RIMS1: variants seen among roughly 807,000 people sequenced by gnomAD.
The protein encoded by RIMS1 is regulating synaptic membrane exocytosis protein 1.
Under a neutral mutation model 214.1 loss-of-function variants are expected in RIMS1, and 83 were observed. That is an observed-to-expected ratio of 0.39 (90% CI 0.32 to 0.47). RIMS1 has a LOEUF of 0.47. Among genes scored for constraint, RIMS1 ranks in the 20% least tolerant of loss-of-function variants. The pLI is 0.99. For synonymous variants in RIMS1, 793 were observed against 786.8 expected (o/e 1.01, Z -0.13); for missense variants, 2,050 against 2,161.8 (o/e 0.95, Z 1.03).
chr6:72,394,174 T>C (rs986723562), intron 31 of RIMS1, among the ~76,000 whole-genome samples: 1 of 152,180 alleles, frequency 6.6e-6, no homozygotes, highest in African/African-American at 2.4e-5. Context: ...CATGTCAGAC[T>C]TCATGAGATA....
intron 2 of RIMS1, among the ~76,000 whole-genome samples, chr6:72,042,004 A>G (rs1821581266): frequency 1.3e-5 from 2 of 151,934 alleles, no homozygotes; most frequent in South Asian, 4.1e-4. Flanking sequence ...CCATGATAGG[A>G]AAATTTTATT....
chr6:72,121,052 G>A (rs1238223610), intron 4 of RIMS1, among the ~76,000 whole-genome samples: 2 of 151,862 alleles, frequency 1.3e-5, no homozygotes, highest in East Asian at 3.9e-4. Context: ...TTTGGTTACT[G>A]TAGCCTTGTA....
chr6:72,307,170 C>A, intron 26 of RIMS1, 88 bp from the exon 27 acceptor site: 1 of 790,742 alleles, frequency 1.3e-6, no homozygotes, highest in Non-Finnish European at 2.1e-6. Context: ...TAATTGAAGT[C>A]ATTTCAAAAG....
intron 10 of RIMS1, among the ~76,000 whole-genome samples, chr6:72,244,049 C>A (rs1322879746): frequency 6.7e-6 from 1 of 150,356 alleles, no homozygotes; most frequent in Non-Finnish European, 1.5e-5. Context: ...TTAATGTAGT[C>A]CTGTTTAACA....
intron 29 of RIMS1, among the ~76,000 whole-genome samples, chr6:72,352,630 T>A (rs760676694): frequency 3.9e-5 from 6 of 152,220 alleles, no homozygotes; most frequent in Non-Finnish European, 8.8e-5. Flanking sequence ...AACTCTCCTC[T>A]GTGCAGTGGT....
At chr6:72,070,345 T>A (rs1586238648) in intron 2 of RIMS1, among the ~76,000 whole-genome samples, 1 of 152,324 alleles carries the variant, frequency 6.6e-6, no homozygotes, top group East Asian at 1.9e-4. Flanking sequence ...GATGAACTCA[T>A]ATTGATTTCT....
At chr6:72,104,412 C>T (rs553958351) in intron 4 of RIMS1, among the ~76,000 whole-genome samples, 41 of 152,318 alleles carry the variant, frequency 2.7e-4, no homozygotes, top group Non-Finnish European at 4.4e-4. Flanking sequence ...ATCTGCCACC[C>T]AACTTTCAAT....
intron 4 of RIMS1, among the ~76,000 whole-genome samples, chr6:72,139,102 G>A (rs1178985032): frequency 6.6e-6 from 1 of 152,068 alleles, no homozygotes; most frequent in Non-Finnish European, 1.5e-5. Flanking sequence ...ATACATGCCT[G>A]TTTCTGTGTG....
chr6:72,349,955 T>TCC (rs2097387486), intron 29 of RIMS1, among the ~76,000 whole-genome samples: 2 of 152,056 alleles, frequency 1.3e-5, no homozygotes, highest in Admixed American at 6.6e-5. Context: ...TGTCATAGGT[T>TCC]TTGGAGACTT....
intron 4 of RIMS1, among the ~76,000 whole-genome samples, chr6:72,109,527 C>T (rs113259847): frequency 0.12 from 18,166 of 151,678 alleles, 1,340 homozygotes; most frequent in South Asian, 0.18. Flanking sequence ...TCATGTCCTT[C>T]GCCCACTTTT....
rs1165227425 is a variant in RIMS1 at position 72,333,662 on chromosome 6, G to A, written c.4193G>A (p.Ser1398Asn). ...ACTTCAGGAAGATCCATCATGAAGA[G>A]CACCAGTGTCAGTGGAGAGATGTAC... ...MGTSGRSIMK[S>N]TSVSGEMYTL... is the part of the protein sequence containing the mutation. Residue 1398 changes from serine (S) to asparagine (N), a missense_variant, in exon 29 of 34, where the codon AGC becomes AAC. Ser to Asn is a conservative substitution (Grantham distance 46). Coordinates refer to ENST00000521978, the MANE Select transcript of RIMS1 (RefSeq NM_014989.7). The A allele has an allele frequency of 6.3e-6, 10 of 1,597,812 alleles. No homozygotes were observed. Among genetic ancestry groups the A allele is most frequent in the South Asian group, 1.1e-5 (1 of 88,198 alleles).
chr6:71,975,297 C>T (rs9360517), intron 2 of RIMS1, among the ~76,000 whole-genome samples: 5,994 of 152,166 alleles, frequency 0.039, 255 homozygotes, highest in East Asian at 0.16. Flanking sequence ...TGGAACTTTC[C>T]GTATTTTAGC....
At position 72,250,958 on chromosome 6, in the gene RIMS1, A is replaced by C; in HGVS notation, c.2410A>C (p.Ile804Leu). ...SKRRTKTVKK[I>L]LEPKWNQTFV... The stretch of plus-strand genomic sequence containing the variant: ...AAGGAGGACCAAAACAGTAAAGAAA[A>C]TACTAGAACCAAAATGGAATCAAAC... Residue 804 changes from isoleucine to leucine, a missense_variant, in exon 14 of 34, where the codon ATA (isoleucine) becomes CTA (leucine). Coordinates refer to ENST00000521978, the MANE Select transcript of RIMS1 (RefSeq NM_014989.7). The C allele has an allele frequency of 1.3e-6, 2 of 1,539,552 alleles. No individual in the cohort carries two copies. Among genetic ancestry groups the C allele is most frequent in the Non-Finnish European group, 1.8e-6 (2 of 1,142,694 alleles).
intron 4 of RIMS1, among the ~76,000 whole-genome samples, chr6:72,154,505 T>C (rs1479323474): frequency 7.1e-6 from 1 of 140,390 alleles, no homozygotes; most frequent in Non-Finnish European, 1.6e-5. Flanking sequence ...TATGAGAAGT[T>C]AACAAATGAG....
chr6:72,236,744 A>T lies in RIMS1; in HGVS notation c.1857+1016A>T, dbSNP rs565806187. Among the ~76,000 whole-genome samples, 21 of 150,954 alleles carry T rather than the reference A, an allele frequency of 1.4e-4. No individual in the cohort carries two copies. In the South Asian group the frequency reaches 4.4e-3, roughly 32 times the overall value. On this transcript the variant is annotated intron_variant, in intron 8 of 33. Transcript: ENST00000521978. Reference sequence around the variant, plus strand: ...GGAAGAAGAAAAATTGTCTTGGGTCACACTTAAAGTACATCAACACTAACA... The same window carrying T: ...GGAAGAAGAAAAATTGTCTTGGGTCTCACTTAAAGTACATCAACACTAACA...
chr6:72,343,187 T>C (rs1016277077), intron 29 of RIMS1, among the ~76,000 whole-genome samples: 6 of 151,844 alleles, frequency 4.0e-5, no homozygotes, highest in African/African-American at 1.4e-4. Flanking sequence ...CCCCTGCCTT[T>C]GTGCATCTCC....
intron 1 of RIMS1, among the ~76,000 whole-genome samples, chr6:71,918,126 A>G (rs1442363817): frequency 2.0e-5 from 3 of 152,140 alleles, no homozygotes; most frequent in Non-Finnish European, 4.4e-5. Context: ...ATGTTTTAGG[A>G]AGCCACGGAA....
chr6:72,027,249 C>T (rs1257466062), intron 2 of RIMS1, among the ~76,000 whole-genome samples: 3 of 151,980 alleles, frequency 2.0e-5, no homozygotes, highest in Non-Finnish European at 4.4e-5. Context: ...GAACCTGAGC[C>T]CAGGAGGCCT....
chr6:72,041,706 A>G (rs1393635322), intron 2 of RIMS1, among the ~76,000 whole-genome samples: 1 of 151,916 alleles, frequency 6.6e-6, no homozygotes, highest in Non-Finnish European at 1.5e-5. Flanking sequence ...TGCATGAGTT[A>G]TCAGGGAGTA....
Sources: gnomAD v4.1 joint callset for allele counts (sites outside exome capture counted in the v4.1 genomes callset) on GRCh38, gnomAD v4.1.1 for gene constraint, MANE v1.5 for transcripts, NCBI Gene and HGNC (gene_info 2026-07-23, HGNC 2026-07-21) for gene names.